Variants in SLC24A2 observed in about 807,000 individuals in gnomAD.
The protein encoded by SLC24A2 is sodium/potassium/calcium exchanger 2.
A neutral mutation model predicts 62.0 loss-of-function variants in SLC24A2; 36 were observed. The observed-to-expected ratio is 0.58, with a 90% CI of 0.44 to 0.77. The LOEUF is 0.77. Ranked by LOEUF, SLC24A2 falls within the 30% of genes least tolerant of loss-of-function variation. The pLI, the probability that SLC24A2 is intolerant of heterozygous loss-of-function variation, is 0.00. For synonymous variants in SLC24A2, 358 were observed against 294.0 expected (o/e 1.22, Z -2.23); for missense variants, 846 against 817.9 (o/e 1.03, Z -0.42).
chr9:19,916,310 T>C, the SLC24A2 span, among the ~76,000 whole-genome samples: 5 of 152,170 alleles, frequency 3.3e-5, no homozygotes, highest in Non-Finnish European at 7.4e-5. Flanking sequence ...TACTACAGCT[T>C]TGTAGGAAGT....
At chr9:20,251,064 C>T in the SLC24A2 span, among the ~76,000 whole-genome samples, 1 of 152,224 alleles carries the variant, frequency 6.6e-6, no homozygotes, top group African/African-American at 2.4e-5. Flanking sequence ...CTCTGCTGGA[C>T]TCAGCCCATA....
At chr9:20,241,654 AATAAAG>A in the SLC24A2 span, among the ~76,000 whole-genome samples, 1,940 of 152,236 alleles carry the variant, frequency 0.013, 49 homozygotes, top group African/African-American at 0.045. Flanking sequence ...CTTGAGAGAA[AATAAAG>A]ATAAATTGCC....
chr9:19,956,879 T>C, the SLC24A2 span, among the ~76,000 whole-genome samples: 4 of 152,288 alleles, frequency 2.6e-5, no homozygotes, highest in East Asian at 5.8e-4. Flanking sequence ...CTCTCGTACC[T>C]TTTGTCATGT....
intron 2 of SLC24A2, among the ~76,000 whole-genome samples, chr9:19,744,549 A>C (rs1340640578): frequency 6.6e-6 from 1 of 152,148 alleles, no homozygotes; most frequent in Non-Finnish European, 1.5e-5. Context: ...GCCCCAAGGA[A>C]AGGGGACAGC....
chr9:20,280,566 T>C, the SLC24A2 span, among the ~76,000 whole-genome samples: 1 of 152,234 alleles, frequency 6.6e-6, no homozygotes, highest in African/African-American at 2.4e-5. Context: ...ACATCTCTGG[T>C]ACTGGAGCCA....
the SLC24A2 span, among the ~76,000 whole-genome samples, chr9:19,903,680 T>C: frequency 6.6e-6 from 1 of 152,074 alleles, no homozygotes; most frequent in South Asian, 2.1e-4. Context: ...CTCAGAAATA[T>C]CCACAGAGCC....
At chr9:19,669,304 G>A (rs1332290270) in intron 2 of SLC24A2, among the ~76,000 whole-genome samples, 4 of 152,060 alleles carry the variant, frequency 2.6e-5, no homozygotes, top group South Asian at 4.1e-4. Flanking sequence ...GGTGGGGAGT[G>A]GTGGTGGGTT....
At chr9:19,828,980 C>T in the SLC24A2 span, among the ~76,000 whole-genome samples, 4 of 152,158 alleles carry the variant, frequency 2.6e-5, no homozygotes, top group Non-Finnish European at 4.4e-5. Flanking sequence ...CAGCCCTCTC[C>T]TCTACTGCCT....
chr9:19,972,998 C>G, the SLC24A2 span, among the ~76,000 whole-genome samples: 2 of 152,106 alleles, frequency 1.3e-5, no homozygotes, highest in African/African-American at 2.4e-5. Flanking sequence ...GATCTTTCAA[C>G]TGGTGATCAG....
chr9:19,655,191 A>G (rs1211164953), intron 2 of SLC24A2, among the ~76,000 whole-genome samples: 1 of 152,218 alleles, frequency 6.6e-6, no homozygotes, highest in East Asian at 1.9e-4. Flanking sequence ...AGAGGGGAAA[A>G]TTCTTCACAA....
chr9:20,016,192 G>A, the SLC24A2 span, among the ~76,000 whole-genome samples: 1 of 152,070 alleles, frequency 6.6e-6, no homozygotes, highest in African/African-American at 2.4e-5. Context: ...ATATTTCTAT[G>A]GGACCAAAAT....
intron 2 of SLC24A2, among the ~76,000 whole-genome samples, chr9:19,690,959 A>G (rs1704260477): frequency 1.3e-5 from 2 of 151,844 alleles, no homozygotes; most frequent in Non-Finnish European, 2.9e-5. Context: ...CAGAGAGAGA[A>G]TGTGTATTGG....
chr9:20,220,740 G>A, the SLC24A2 span, among the ~76,000 whole-genome samples: 1 of 152,060 alleles, frequency 6.6e-6, no homozygotes, highest in Admixed American at 6.6e-5. Flanking sequence ...ACTTTTAAAA[G>A]CACGTGAATG....
At chr9:19,736,950 A>G (rs1013865068) in intron 2 of SLC24A2, among the ~76,000 whole-genome samples, 1 of 152,248 alleles carries the variant, frequency 6.6e-6, no homozygotes, top group African/African-American at 2.4e-5. Flanking sequence ...AAAAAGACAA[A>G]GCAAAAATTA....
At chr9:20,143,426 A>G in the SLC24A2 span, among the ~76,000 whole-genome samples, 1,653 of 152,270 alleles carry the variant, frequency 0.011, 9 homozygotes, top group Non-Finnish European at 0.018. Context: ...AAAAAAATAG[A>G]CTGTTTTTCC....
chr9:19,559,958 C>T (rs1835309643), intron 7 of SLC24A2, among the ~76,000 whole-genome samples: 1 of 152,132 alleles, frequency 6.6e-6, no homozygotes, highest in Admixed American at 6.5e-5. Context: ...ATTTTGGTCT[C>T]ACCGACCCAA....
the SLC24A2 span, among the ~76,000 whole-genome samples, chr9:20,175,170 T>C: frequency 1.3e-5 from 2 of 151,850 alleles, no homozygotes; most frequent in Non-Finnish European, 2.9e-5. Flanking sequence ...CACTCGTAAG[T>C]GGGAGCTAAG....
At chr9:19,950,001 T>G in the SLC24A2 span, among the ~76,000 whole-genome samples, 9 of 152,290 alleles carry the variant, frequency 5.9e-5, no homozygotes, top group African/African-American at 1.9e-4. Context: ...AATTGTATAA[T>G]TCGCATTTAA....
intron 2 of SLC24A2, among the ~76,000 whole-genome samples, chr9:19,730,094 T>C (rs1375731538): frequency 2.6e-5 from 4 of 152,116 alleles, no homozygotes; most frequent in Non-Finnish European, 5.9e-5. Context: ...GGCTGCAGGG[T>C]ACCCACAGCA....
Sources: gnomAD v4.1 joint callset for allele counts (sites outside exome capture counted in the v4.1 genomes callset) on GRCh38, gnomAD v4.1.1 for gene constraint, MANE v1.5 for transcripts, NCBI Gene and HGNC (gene_info 2026-07-23, HGNC 2026-07-21) for gene names.